The following ONECUT3 variants were observed in gnomAD, a reference collection of about 807,000 sequenced individuals.
The protein encoded by ONECUT3 is one cut homeobox 3.
Under a neutral mutation model 16.8 loss-of-function variants are expected in ONECUT3, and 11 were observed. That is an observed-to-expected ratio of 0.66 (90% CI 0.41 to 1.09). The LOEUF (loss-of-function observed/expected upper bound fraction) is 1.09, where lower values mean the gene tolerates loss of function less well. ONECUT3 is among the 50% of genes least tolerant of loss of function. The pLI, the probability that ONECUT3 is intolerant of heterozygous loss-of-function variation, is 0.00. For synonymous variants in ONECUT3, 344 were observed against 310.7 expected (o/e 1.11, Z -1.13); for missense variants, 637 against 629.9 (o/e 1.01, Z -0.12).
At position 1,762,849 on chromosome 19, in the gene ONECUT3, G is replaced by A. The variant is rs571338625; in HGVS notation, c.1192+7995G>A. ...CGTCCTGGGTGCGCTCAGCTCCAGCGCAGTGGGAGGACAAGACACGTTCCT... is the reference window on the plus strand; with the variant it reads ...CGTCCTGGGTGCGCTCAGCTCCAGCACAGTGGGAGGACAAGACACGTTCCT... On this transcript the variant is annotated intron_variant, in intron 1 of 1. Transcript: ENST00000382349. This position sits in a 1 kb window ranked among gnomAD's most constrained non-coding sequence, Gnocchi z 4.4. Among the ~76,000 whole-genome samples the A allele has an allele frequency of 1.1e-4, 16 of 152,144 alleles. No homozygotes were observed. In the South Asian group the frequency reaches 3.1e-3, roughly 30 times the overall value.
Position 1,766,963 on chromosome 19 carries a change from G to A in ONECUT3, c.1193-8190G>A, listed in dbSNP as rs1457064903. Among the ~76,000 whole-genome samples, 1 of 152,022 alleles carries A rather than the reference G, an allele frequency of 6.6e-6. No homozygotes were observed. Among genetic ancestry groups the A allele is most frequent in the Non-Finnish European group, 1.5e-5 (1 of 67,974 alleles). ...CTAAAAGGAGGAACAGTGGCCCCTG[G>A]GAGTCCCAGAGGAGGGGCCCCGGGC... On this transcript the variant is annotated intron_variant, in intron 1 of 1. Transcript: ENST00000382349. This position sits in a 1 kb window ranked among gnomAD's most constrained non-coding sequence, Gnocchi z 4.0.
rs1421260515 is a variant in ONECUT3, at chr19:1,776,630, C to G, written c.*1185C>G. ...AATGAAGATGAGCGCCCCCCTCCCA[C>G]CCCGCGCTCTCCCCCGCTCCTCTCA... On this transcript the variant is annotated 3_prime_UTR_variant, in exon 2 of 2. Transcript: ENST00000382349. The surrounding 1 kb of genome is among the most constrained non-coding windows in gnomAD (Gnocchi z 4.9). 1 of 150,784 alleles carries G rather than the reference C, an allele frequency of 6.6e-6. No homozygotes were observed. The highest frequency in any genetic ancestry group is 6.6e-5 in the Admixed American group (1 of 15,152). 9.3% of individuals were successfully genotyped at this position (150,784 alleles called of 1,614,324 possible).
intron 1 of ONECUT3, among the ~76,000 whole-genome samples, chr19:1,774,281 G>A (rs927461439): frequency 6.6e-6 from 1 of 152,010 alleles, no homozygotes; most frequent in Non-Finnish European, 1.5e-5. Flanking sequence ...CTGCTCATTC[G>A]TAGAGCTTGG....
In ONECUT3 at chr19:1,762,890, C is replaced by G. The variant is rs902416558; in HGVS notation, c.1192+8036C>G. ...ACACGTTCCTCCTCCCCTCCTCCAC[C>G]TCCCTTGTTTTTGCTCCCTGGTTCC... On this transcript the variant is annotated intron_variant, in intron 1 of 1. Transcript: ENST00000382349. This position sits in a 1 kb window ranked among gnomAD's most constrained non-coding sequence, Gnocchi z 4.4. Among the ~76,000 whole-genome samples the G allele has an allele frequency of 2.6e-5, 4 of 152,220 alleles. No individual in the cohort carries two copies. Among genetic ancestry groups the G allele is most frequent in the African/African-American group, 9.6e-5 (4 of 41,468 alleles).
In ONECUT3 at chr19:1,754,920, G is replaced by T. The variant is rs906691835; in HGVS notation, c.1192+66G>T. ...GCTCTGGACTCCCGAGCACCTAGCG[G>T]GGCGGCGGCCGATGCCCGGGGCCAG... On this transcript the variant is annotated intron_variant, in intron 1 of 1. Coordinates refer to ENST00000382349, the MANE Select transcript of ONECUT3 (RefSeq NM_001080488.2). The surrounding 1 kb of genome is among the most constrained non-coding windows in gnomAD (Gnocchi z 7.4). The T allele has an allele frequency of 3.1e-6, 4 of 1,286,628 alleles. No individual in the cohort carries two copies. The highest frequency in any genetic ancestry group is 4.2e-5 in the Admixed American group (1 of 23,904). The allele number at this position is 1,286,628 out of a possible 1,614,324, so 79.7% of individuals were successfully genotyped here. A position where few individuals can be genotyped will look rare whatever the true frequency, so the allele number is the denominator to read the frequency against.
rs2067899369 is a variant in ONECUT3 at position 1,753,547 on chromosome 19, CCGCGCAGCCTGGCAGCCTCG to C, written c.-106_-87del. The C allele has an allele frequency of 3.2e-6, 1 of 314,664 alleles. No individual in the cohort carries two copies. The highest frequency in any genetic ancestry group is 4.7e-6 in the Non-Finnish European group (1 of 212,216). The allele number at this position is 314,664 out of a possible 1,614,324, so 19.5% of individuals were successfully genotyped here. A position where few individuals can be genotyped will look rare whatever the true frequency, so the allele number is the denominator to read the frequency against. On this transcript the variant is annotated 5_prime_UTR_variant, in exon 1 of 2. Transcript: ENST00000382349. Reference sequence around the variant, plus strand: ...GCTCGCAGCCGGGCCGGGCCGTGCGCCGCGCAGCCTGGCAGCCTCGCGCGCAGCCACCGGGGAGCGGGCGG... The same window carrying C: ...GCTCGCAGCCGGGCCGGGCCGTGCGCCGCGCAGCCACCGGGGAGCGGGCGG...
rs921237662 is a variant in ONECUT3, at chr19:1,779,359, A to C, written c.*3914A>C. The C allele has an allele frequency of 6.6e-6, 1 of 152,162 alleles. No homozygotes were observed. The highest frequency in any genetic ancestry group is 2.1e-4 in the South Asian group (1 of 4,824). The allele number at this position is 152,162 out of a possible 1,614,324, so 9.4% of individuals were successfully genotyped here. ...CAGAAAGGACCAGTGGCGTTTACAG[A>C]TTTCTTATTTAAATGAGTCCTTTAG... On this transcript the variant is annotated 3_prime_UTR_variant, in exon 2 of 2. Transcript: ENST00000382349.
At chr19:1,757,738 G>A (rs376688222) in intron 1 of ONECUT3, among the ~76,000 whole-genome samples, 1 of 152,250 alleles carries the variant, frequency 6.6e-6, no homozygotes, top group African/African-American at 2.4e-5. Flanking sequence ...CTTTAGTTCC[G>A]GTCGCTGCGC....
rs1397431743 is a variant in ONECUT3 at position 1,755,183 on chromosome 19, TTG to T, written c.1192+338_1192+339del. Among the ~76,000 whole-genome samples the T allele has an allele frequency of 1.3e-5, 2 of 151,832 alleles. No homozygotes were observed. Among genetic ancestry groups the T allele is most frequent in the Admixed American group, 6.6e-5 (1 of 15,254 alleles). ...CCCAAGCAGCCCTCAGGGAAGCTCATTGTGTGTGTGCGTGTGTGTGTGTGAGC... is the reference window on the plus strand; with the variant it reads ...CCCAAGCAGCCCTCAGGGAAGCTCATTGTGTGTGCGTGTGTGTGTGTGAGC... On this transcript the variant is annotated intron_variant, in intron 1 of 1. Transcript: ENST00000382349. This position sits in a 1 kb window ranked among gnomAD's most constrained non-coding sequence, Gnocchi z 7.5.
Position 1,753,733 on chromosome 19 carries a change from G to T in ONECUT3, c.71G>T (p.Ser24Ile). 1 of 1,031,036 alleles carries T rather than the reference G, an allele frequency of 9.7e-7. No homozygotes were observed. Among genetic ancestry groups the T allele is most frequent in the African/African-American group, 1.7e-5 (1 of 57,628 alleles). 63.9% of individuals were successfully genotyped at this position (1,031,036 alleles called of 1,614,324 possible). The stretch of plus-strand genomic sequence containing the variant: ...CACGCGCAGGCGGGCGAGCTGCTGA[G>T]CCCGGGCCACGCGCGCTCGGCGGCG... ...VAHAQAGELL[S>I]PGHARSAAAQ... is the part of the protein sequence containing the mutation. Residue 24 changes from serine to isoleucine, a missense_variant, in exon 1 of 2, where the codon AGC becomes ATC. This residue lies in a region of ONECUT3 where 419 missense variants were observed against 377.9 expected (regional missense o/e 1.11). Transcript: ENST00000382349.
At chr19:1,775,051 T>C in intron 1 of ONECUT3, 102 bp from the exon 2 acceptor site, 1 of 701,514 alleles carries the variant, frequency 1.4e-6, no homozygotes. Flanking sequence ...CCTTCTCCCC[T>C]CCTCCTCATC....
In ONECUT3 at chr19:1,779,318, G is replaced by T. The variant is rs757380563; in HGVS notation, c.*3873G>T. ...AGGGAAAGTTAGAGGGAGCGTGATC[G>T]CGAGAGAGACTGCGGCAGAAAGGAC... On this transcript the variant is annotated 3_prime_UTR_variant, in exon 2 of 2. Transcript: ENST00000382349. 3.3e-5 allele frequency: 5 copies of T among 152,154 alleles called. No homozygotes were observed. Among genetic ancestry groups the T allele is most frequent in the African/African-American group, 1.2e-4 (5 of 41,438 alleles). The allele number at this position is 152,154 out of a possible 1,614,324, so 9.4% of individuals were successfully genotyped here. A position where few individuals can be genotyped will look rare whatever the true frequency, so the allele number is the denominator to read the frequency against.
At chr19:1,757,181 G>A (rs913224398) in intron 1 of ONECUT3, among the ~76,000 whole-genome samples, 1 of 151,904 alleles carries the variant, frequency 6.6e-6, no homozygotes. Flanking sequence ...CCCAGCACCC[G>A]CCCTGAGTGG....
chr19:1,757,774 A>C (rs2067924381), intron 1 of ONECUT3, among the ~76,000 whole-genome samples: 1 of 152,230 alleles, frequency 6.6e-6, no homozygotes, highest in Non-Finnish European at 1.5e-5. Context: ...AAGTGGCGGC[A>C]AATCGCGGCG....
Position 1,753,658 on chromosome 19 carries a change from C to CCCGCCCTCCCATGCA in ONECUT3, c.-5_-4insCCGCCCTCCCATGCA, listed in dbSNP as rs1309748255. ...GGAGCGCGCGCGGCGGGAGGGCAGC[C>CCCGCCCTCCCATGCA]GAGCATGGAGCTGAGCCTGGAGAGC... On this transcript the variant is annotated 5_prime_UTR_variant, in exon 1 of 2. In the 5' UTR this introduces an upstream ATG that the reference lacks. Transcript: ENST00000382349. 5 of 1,047,906 alleles carry CCCGCCCTCCCATGCA rather than the reference C, an allele frequency of 4.8e-6. No individual in the cohort carries two copies. 64.9% of individuals were successfully genotyped at this position (1,047,906 alleles called of 1,614,324 possible).
In ONECUT3 at chr19:1,766,566, A is replaced by G. The variant is rs1600348178; in HGVS notation, c.1193-8587A>G. 8.7e-6 allele frequency among the ~76,000 whole-genome samples: 1 copy of G among 114,906 alleles called. No individual in the cohort carries two copies. Among genetic ancestry groups the G allele is most frequent in the Admixed American group, 9.4e-5 (1 of 10,612 alleles). The allele number at this position is 114,906 out of a possible 152,430, so 75.4% of individuals were successfully genotyped here. On this transcript the variant is annotated intron_variant, in intron 1 of 1. Coordinates refer to ENST00000382349, the MANE Select transcript of ONECUT3 (RefSeq NM_001080488.2). The surrounding 1 kb of genome is among the most constrained non-coding windows in gnomAD (Gnocchi z 4.0). ...GAAAAGAAAAGAGCAGAGAGGGGAGAGGGAGGGAGGGTGAGTGGAAAAGGA... is the reference window on the plus strand; with the variant it reads ...GAAAAGAAAAGAGCAGAGAGGGGAGGGGGAGGGAGGGTGAGTGGAAAAGGA...
In ONECUT3 at chr19:1,775,744, G is replaced by T. The variant is rs988648042; in HGVS notation, c.*299G>T. On this transcript the variant is annotated 3_prime_UTR_variant, in exon 2 of 2. Transcript: ENST00000382349. The stretch of plus-strand genomic sequence containing the variant: ...TCCCAGCCCCCTCTCCATTCAGGAC[G>T]CCCAGAGGGCCTCGAGAAAAACCAG... The T allele has an allele frequency of 4.3e-5, 12 of 281,608 alleles. No homozygotes were observed. The highest frequency in any genetic ancestry group is 1.6e-4 in the South Asian group (2 of 12,766). 17.4% of individuals were successfully genotyped at this position (281,608 alleles called of 1,614,324 possible).
chr19:1,757,107 G>A (rs2067920122), intron 1 of ONECUT3, among the ~76,000 whole-genome samples: 1 of 146,506 alleles, frequency 6.8e-6, no homozygotes, highest in Admixed American at 6.9e-5. Context: ...GTCACAGAAG[G>A]GCAAACCGCA....
chr19:1,759,264 A>T lies in ONECUT3; in HGVS notation c.1192+4410A>T, dbSNP rs915510644. Among the ~76,000 whole-genome samples, 3 of 152,300 alleles carry T rather than the reference A, an allele frequency of 2.0e-5. No individual in the cohort carries two copies. Among genetic ancestry groups the T allele is most frequent in the African/African-American group, 4.8e-5 (2 of 41,556 alleles). On this transcript the variant is annotated intron_variant, in intron 1 of 1. Transcript: ENST00000382349. This position sits in a 1 kb window ranked among gnomAD's most constrained non-coding sequence, Gnocchi z 4.1. ...GGACTGGGGACCTGAGGGGAAGGAC[A>T]TGGAAAGGAAAAAGAGGCAGAACCT...
Sources: allele counts gnomAD v4.1 joint callset (sites outside exome capture counted in the v4.1 genomes callset), GRCh38; gene constraint gnomAD v4.1.1; regional missense constraint gnomAD v4.1.1; non-coding constraint Gnocchi (gnomAD v3.1); transcripts MANE v1.5; gene names NCBI Gene and HGNC (gene_info 2026-07-23, HGNC 2026-07-21).